Variants in CD44 observed in about 807,000 individuals in gnomAD.
CD44 encodes the protein CD44 antigen.
A neutral mutation model predicts 88.8 loss-of-function variants in CD44; 49 were observed. The observed-to-expected ratio is 0.55, with a 90% CI of 0.44 to 0.70. The LOEUF (loss-of-function observed/expected upper bound fraction) is 0.70, where lower values mean the gene tolerates loss of function less well. Among genes scored for constraint, CD44 ranks in the 30% least tolerant of loss-of-function variants. The pLI, the probability that CD44 is intolerant of heterozygous loss-of-function variation, is 0.00. For missense variants in CD44, 883 were observed against 913.8 expected (o/e 0.97, Z 0.43); for synonymous variants, 325 against 312.3 (o/e 1.04, Z -0.43).
chr11:35,158,675 T>C (rs931814222), intron 1 of CD44, among the ~76,000 whole-genome samples: 1 of 152,202 alleles, frequency 6.6e-6, no homozygotes, highest in African/African-American at 2.4e-5. Flanking sequence ...CTCTGGAAGA[T>C]TTTCATCCCA....
At chr11:35,180,590 A>G (rs61881656) in intron 3 of CD44, among the ~76,000 whole-genome samples, 183 bp downstream of exon 3, 25,045 of 152,206 alleles carry the variant, frequency 0.16, 2,187 homozygotes, top group Middle Eastern at 0.28. Flanking sequence ...GAGGCAAACA[A>G]TAAACAAATA....
chr11:35,167,144 G>A (rs935054859), intron 1 of CD44, among the ~76,000 whole-genome samples: 2 of 152,210 alleles, frequency 1.3e-5, no homozygotes, highest in Non-Finnish European at 2.9e-5. Context: ...AAGACAGTGA[G>A]TTGTGGCTTT....
intron 17 of CD44, chr11:35,222,493 C>T (rs766617016): frequency 5.8e-6 from 7 of 1,202,462 alleles, no homozygotes; most frequent in East Asian, 6.6e-5. Context: ...AAGACAGTCA[C>T]CTCGCTAGAA....
chr11:35,150,548 C>T (rs1180006459), intron 1 of CD44, among the ~76,000 whole-genome samples: 1 of 152,184 alleles, frequency 6.6e-6, no homozygotes, highest in African/African-American at 2.4e-5. Context: ...TAGTTTTTGG[C>T]ATTCTGTCAG....
At position 35,211,435 on chromosome 11, in the gene CD44, A is replaced by G. The variant is rs1948377789; in HGVS notation, c.1796A>G (p.Asn599Ser). The G allele has an allele frequency of 2.5e-6, 4 of 1,613,114 alleles. No homozygotes were observed. The highest frequency in any genetic ancestry group is 3.4e-6 in the Non-Finnish European group (4 of 1,179,292). Residue 599 changes from asparagine (N) to serine (S), a missense_variant, in exon 14 of 18, where the codon AAT becomes AGT. Asn to Ser is a conservative substitution (Grantham distance 46). Around this residue, in one of 2 missense-constraint regions of CD44, gnomAD observed 631 missense variants for 590.9 expected, o/e 1.07. Transcript: ENST00000428726. ...GTTGGAGATTCCAACTCTAATGTCA[A>G]TCGTTCCTTATCAGGTAATTTGGCA... is the stretch of plus-strand genomic sequence containing the variant. ...VTVGDSNSNVNRSLSGDQDTF... is the reference protein window; with the variant it reads ...VTVGDSNSNVSRSLSGDQDTF...
At chr11:35,181,377 C>G (rs1043204325) in intron 3 of CD44, among the ~76,000 whole-genome samples, 1 of 151,960 alleles carries the variant, frequency 6.6e-6, no homozygotes, top group African/African-American at 2.4e-5. Flanking sequence ...CAAGTCCTAG[C>G]AAAATTAAAG....
chr11:35,147,106 T>C (rs1428200367), intron 1 of CD44, among the ~76,000 whole-genome samples: 2 of 152,200 alleles, frequency 1.3e-5, no homozygotes, highest in Non-Finnish European at 2.9e-5. Context: ...GAGTTGTTTG[T>C]TCATTATCAC....
intron 15 of CD44, among the ~76,000 whole-genome samples, chr11:35,218,370 C>A (rs1463813763): frequency 6.6e-6 from 1 of 152,176 alleles, no homozygotes; most frequent in Non-Finnish European, 1.5e-5. Context: ...CGCTCTGTTG[C>A]CAAGCTGTAA....
intron 17 of CD44, among the ~76,000 whole-genome samples, chr11:35,223,906 C>T (rs1949503880): frequency 6.6e-6 from 1 of 152,092 alleles, no homozygotes; most frequent in Admixed American, 6.5e-5. Flanking sequence ...ATGGGGCCTC[C>T]AATAGGTGTT....
chr11:35,189,988 C>G lies in CD44; in HGVS notation c.590C>G (p.Thr197Ser). ...SSTSGGYIFY[T>S]FSTVHPIPDE... ...ACTTCAGGAGGTTACATCTTTTACA[C>G]CTTTTCTACTGTACACCCCATCCCA... The change falls in exon 5 of 18, where the codon ACC becomes AGC. Residue 197 changes from threonine to serine, a missense_variant. Around this residue, in one of 2 missense-constraint regions of CD44, gnomAD observed 252 missense variants for 322.9 expected, o/e 0.78. Coordinates refer to ENST00000428726, the MANE Select transcript of CD44 (RefSeq NM_000610.4). 1.9e-6 allele frequency: 3 copies of G among 1,614,166 alleles called. No individual in the cohort carries two copies. Among genetic ancestry groups the G allele is most frequent in the Non-Finnish European group, 2.5e-6 (3 of 1,180,022 alleles).
At chr11:35,195,191 C>A (rs2133957520) in intron 5 of CD44, among the ~76,000 whole-genome samples, 1 of 152,200 alleles carries the variant, frequency 6.6e-6, no homozygotes, top group East Asian at 1.9e-4. Context: ...ACAAGGACAC[C>A]CTCATTTATT....
At chr11:35,210,251 T>G (rs1044644706) in intron 13 of CD44, 197 bp downstream of exon 13, 2 of 381,122 alleles carry the variant, frequency 5.2e-6, no homozygotes, top group African/African-American at 2.2e-5. Context: ...GCAAACTACA[T>G]TTCTTCATCT....
In CD44 at chr11:35,229,332, A is replaced by C. The variant is rs1173456893; in HGVS notation, c.2228A>C (p.Ter743SerextTer15). Residue 743 changes from the stop codon to serine (S), a stop_lost, in exon 18 of 18, where the codon TAA becomes TCA. Coordinates refer to ENST00000428726, the MANE Select transcript of CD44 (RefSeq NM_000610.4). Reference sequence around the variant, plus strand: ...AATGTGGACATGAAGATTGGGGTGTAACACCTACACCATTATCTTGGAAAG... The same window carrying C: ...AATGTGGACATGAAGATTGGGGTGTCACACCTACACCATTATCTTGGAAAG... ...LQNVDMKIGV[*>S] is the part of the protein sequence containing the mutation. 6.3e-7 allele frequency: 1 copy of C among 1,595,026 alleles called. No individual in the cohort carries two copies. The highest frequency in any genetic ancestry group is 1.3e-5 in the African/African-American group (1 of 74,526).
intron 1 of CD44, among the ~76,000 whole-genome samples, chr11:35,152,669 C>A (rs1027770347): frequency 6.6e-6 from 1 of 152,146 alleles, no homozygotes; most frequent in Non-Finnish European, 1.5e-5. Context: ...TGCTGGTTGA[C>A]CCCAATCATT....
intron 9 of CD44, among the ~76,000 whole-genome samples, chr11:35,202,464 G>C (rs1305765331): frequency 6.6e-6 from 1 of 152,150 alleles, no homozygotes; most frequent in Non-Finnish European, 1.5e-5. Flanking sequence ...CCAAACATAA[G>C]AAGTATGTGC....
In CD44 at chr11:35,169,413, AACAC is replaced by A. The variant is rs5791036; in HGVS notation, c.68-7136_68-7133del. On this transcript the variant is annotated intron_variant, in intron 1 of 17. Coordinates refer to ENST00000428726, the MANE Select transcript of CD44 (RefSeq NM_000610.4). ...AAAACCAGAGATGTTGCCCTACCTA[AACAC>A]ACACACACACACACACACACACACA... Among the ~76,000 whole-genome samples the A allele has an allele frequency of 3.4e-3, 512 of 148,828 alleles. 3 individuals carry two copies. The highest frequency in any genetic ancestry group is 0.012 in the East Asian group (63 of 5,114).
intron 17 of CD44, among the ~76,000 whole-genome samples, chr11:35,228,592 A>T: frequency 6.6e-6 from 1 of 152,244 alleles, no homozygotes; most frequent in East Asian, 1.9e-4. Flanking sequence ...AGAACTTGAG[A>T]GTCAGACAGA....
chr11:35,206,258 G>A lies in CD44; in HGVS notation c.1414+15G>A. The A allele has an allele frequency of 6.3e-7, 1 of 1,583,716 alleles. No homozygotes were observed. The highest frequency in any genetic ancestry group is 2.3e-5 in the East Asian group (1 of 43,894). ...AAGAAGGATGGGTAATAGCCTCTGA[G>A]ATTTTTATATATTATGTTTTTTGAA... On this transcript the variant is annotated intron_variant, in intron 11 of 17. Coordinates refer to ENST00000428726, the MANE Select transcript of CD44 (RefSeq NM_000610.4).
rs758154268 is a variant in CD44 at position 35,214,857 on chromosome 11, C to G, written c.1816C>G (p.Gln606Glu). Residue 606 changes from glutamine (Q) to glutamate (E), a missense_variant, in exon 15 of 18, where the codon CAA (glutamine) becomes GAA (glutamate). Gln to Glu is a conservative substitution (Grantham distance 29, BLOSUM62 2). This residue lies in a region of CD44 where 631 missense variants were observed against 590.9 expected (regional missense o/e 1.07). Coordinates refer to ENST00000428726, the MANE Select transcript of CD44 (RefSeq NM_000610.4). ...TTCCTGATTGCTCATTACAGGAGAC[C>G]AAGACACATTCCACCCCAGTGGGGG... ...SNVNRSLSGD[Q>E]DTFHPSGGSH... is the part of the protein sequence containing the mutation. 1.3e-5 allele frequency: 20 copies of G among 1,550,150 alleles called. No individual in the cohort carries two copies. In the South Asian group the frequency reaches 2.3e-4, roughly 18 times the overall value.
Sources: gnomAD v4.1 joint callset for allele counts (sites outside exome capture counted in the v4.1 genomes callset) on GRCh38, gnomAD v4.1.1 for gene constraint, gnomAD v4.1.1 regional missense constraint, MANE v1.5 for transcripts, NCBI Gene and HGNC (gene_info 2026-07-23, HGNC 2026-07-21) for gene names.